Variants in RTL4 observed in about 807,000 individuals in gnomAD.
RTL4 encodes the protein retrotransposon Gag-like protein 4.
RTL4 carries 4 observed loss-of-function variants against 5.3 expected under a neutral mutation model. That is an observed-to-expected ratio of 0.75 (90% CI 0.37 to 1.72). The LOEUF (loss-of-function observed/expected upper bound fraction) is 1.72. RTL4 is among the 40% of genes most tolerant of loss of function. RTL4 has a pLI of 0.04. For missense variants in RTL4, 260 were observed against 227.1 expected (o/e 1.14, Z -0.93); for synonymous variants, 98 against 87.3 (o/e 1.12, Z -0.68).
the RTL4 span, among the ~76,000 whole-genome samples, chrX:112,150,599 A>G: frequency 8.9e-6 from 1 of 112,067 alleles, no homozygotes; most frequent in Non-Finnish European, 1.9e-5. Flanking sequence ...TAAAATTTTC[A>G]GAGTAAAAAA....
the RTL4 span, among the ~76,000 whole-genome samples, chrX:112,254,513 A>T: frequency 1.8e-5 from 2 of 110,340 alleles, no homozygotes; most frequent in Non-Finnish European, 3.8e-5. Context: ...TATTTTTAGT[A>T]GACGGGAGTT....
the RTL4 span, among the ~76,000 whole-genome samples, chrX:112,293,519 A>G: frequency 2.7e-5 from 3 of 112,187 alleles, no homozygotes; most frequent in East Asian, 2.8e-4. Flanking sequence ...GTCTTAATCT[A>G]TAAGAATGGG....
the RTL4 span, among the ~76,000 whole-genome samples, chrX:112,351,391 T>C: frequency 3.6e-5 from 4 of 109,775 alleles, no homozygotes; most frequent in Non-Finnish European, 5.7e-5. Context: ...GTCCACGTGG[T>C]GCAGAGCTGA....
At chrX:112,319,025 A>G in the RTL4 span, among the ~76,000 whole-genome samples, 2 of 111,997 alleles carry the variant, frequency 1.8e-5, no homozygotes, top group Non-Finnish European at 3.8e-5. Context: ...ATGGGAGCTC[A>G]GTAAAGAAAT....
the RTL4 span, among the ~76,000 whole-genome samples, chrX:112,182,755 T>C: frequency 8.9e-6 from 1 of 112,160 alleles, no homozygotes; most frequent in Non-Finnish European, 1.9e-5. Context: ...CAGGATATTA[T>C]CCAGAACTTT....
the RTL4 span, among the ~76,000 whole-genome samples, chrX:112,138,918 T>C: frequency 9.0e-6 from 1 of 111,649 alleles, no homozygotes; most frequent in Non-Finnish European, 1.9e-5. Context: ...ATAGACTTTA[T>C]TCAGATTCTC....
the RTL4 span, among the ~76,000 whole-genome samples, chrX:112,232,004 A>C: frequency 8.9e-6 from 1 of 112,253 alleles, no homozygotes; most frequent in African/African-American, 3.2e-5. Context: ...AATGTAAATA[A>C]GACATATTAG....
the RTL4 span, among the ~76,000 whole-genome samples, chrX:112,260,604 A>C: frequency 8.9e-6 from 1 of 111,817 alleles, no homozygotes; most frequent in African/African-American, 3.2e-5. Context: ...AAATTAACAA[A>C]ATCACCATCT....
chrX:112,223,792 A>G, the RTL4 span, among the ~76,000 whole-genome samples: 3 of 112,148 alleles, frequency 2.7e-5, no homozygotes, highest in African/African-American at 9.7e-5. Flanking sequence ...AATTCATAGC[A>G]ATATTCATTA....
the RTL4 span, among the ~76,000 whole-genome samples, chrX:112,168,618 A>G: frequency 1.8e-5 from 2 of 111,899 alleles, no homozygotes; most frequent in Non-Finnish European, 3.8e-5. Flanking sequence ...ATACATTAGC[A>G]TGCTAAAAGA....
the RTL4 span, among the ~76,000 whole-genome samples, chrX:112,209,348 C>T: frequency 2.7e-5 from 3 of 112,043 alleles, no homozygotes; most frequent in African/African-American, 9.7e-5. Context: ...GGCCATTTCT[C>T]CTTCCATGCA....
the RTL4 span, among the ~76,000 whole-genome samples, chrX:112,122,347 CAT>C: frequency 9.0e-6 from 1 of 111,261 alleles, no homozygotes; most frequent in African/African-American, 3.3e-5. Flanking sequence ...ACAAATATCA[CAT>C]GTTTTCACTT....
the RTL4 span, among the ~76,000 whole-genome samples, chrX:112,264,110 G>C: frequency 9.0e-6 from 1 of 111,498 alleles, no homozygotes; most frequent in African/African-American, 3.3e-5. Flanking sequence ...TGACAGTCAA[G>C]TGTCTGGTCC....
chrX:112,137,519 A>G, the RTL4 span, among the ~76,000 whole-genome samples: 1 of 111,317 alleles, frequency 9.0e-6, no homozygotes, highest in African/African-American at 3.3e-5. Context: ...CAAACACCAC[A>G]CATCTTGTGA....
At chrX:112,189,145 G>A in the RTL4 span, among the ~76,000 whole-genome samples, 1 of 111,146 alleles carries the variant, frequency 9.0e-6, no homozygotes, top group Non-Finnish European at 1.9e-5. Context: ...TATAATCCCA[G>A]CAGTTTGGGA....
chrX:112,246,647 G>A, the RTL4 span, among the ~76,000 whole-genome samples: 4 of 111,839 alleles, frequency 3.6e-5, no homozygotes, highest in East Asian at 1.1e-3. Context: ...GGCCAGGAAA[G>A]GGAAATCCCC....
the RTL4 span, among the ~76,000 whole-genome samples, chrX:112,114,556 C>G: frequency 1.8e-5 from 2 of 111,843 alleles, no homozygotes; most frequent in Non-Finnish European, 3.8e-5. Context: ...CCCTGATCTG[C>G]TTTAAATCAG....
chrX:112,083,358 G>C, the RTL4 span, among the ~76,000 whole-genome samples: 1 of 112,619 alleles, frequency 8.9e-6, no homozygotes, highest in Non-Finnish European at 1.9e-5. Flanking sequence ...TGGCGAGGCT[G>C]CTCCGGCGAC....
At chrX:112,151,582 A>G in the RTL4 span, among the ~76,000 whole-genome samples, 5 of 112,167 alleles carry the variant, frequency 4.5e-5, no homozygotes, top group African/African-American at 1.6e-4. Context: ...TAATGATTTC[A>G]TGTCAGTGCT....
Sources: gnomAD v4.1 joint callset for allele counts (sites outside exome capture counted in the v4.1 genomes callset) on GRCh38, gnomAD v4.1.1 for gene constraint, MANE v1.5 for transcripts, NCBI Gene and HGNC (gene_info 2026-07-23, HGNC 2026-07-21) for gene names.